The following NRK variants were observed in gnomAD, a reference collection of about 807,000 sequenced individuals.
The protein encoded by NRK is Nik related kinase, also known as nik-related protein kinase.
In NRK, 67 loss-of-function variants were observed where a neutral mutation model predicts 125.2. The ratio of observed to expected loss-of-function variants is 0.54; its 90% confidence interval spans 0.44 to 0.66. The LOEUF (loss-of-function observed/expected upper bound fraction) is 0.66, where lower values mean the gene tolerates loss of function less well. NRK is among the 30% of genes least tolerant of loss of function. The pLI, the probability that NRK is intolerant of heterozygous loss-of-function variation, is 0.00. For missense variants in NRK, 1,224 were observed against 1,192.9 expected (o/e 1.03, Z -0.38); for synonymous variants, 458 against 429.0 (o/e 1.07, Z -0.84).
intron 2 of NRK, among the ~76,000 whole-genome samples, chrX:105,841,177 TGCTGTA>T (rs1039186054): frequency 1.8e-5 from 2 of 111,599 alleles, no homozygotes; most frequent in African/African-American, 6.5e-5. Context: ...ATTAATGTGC[TGCTGTA>T]GCTCTCTGAG....
rs373330300 is a variant in NRK, at chrX:105,924,783, C to T, written c.3064C>T (p.His1022Tyr). 2 of 1,207,020 alleles carry T rather than the reference C, an allele frequency of 1.7e-6. No homozygotes were observed. The highest frequency in any genetic ancestry group is 2.2e-6 in the Non-Finnish European group (2 of 893,263). ...GGAAGCCTACAGAGGCTATGGAAGC[C>T]ATACAGCCAATAGAAGCCATGGAGG... Reference protein sequence around the residue: ...KEEAYRGYGSHTANRSHGGSA... With the variant: ...KEEAYRGYGSYTANRSHGGSA... The change falls in exon 19 of 29, where the codon CAT becomes TAT. Residue 1022 changes from histidine (H) to tyrosine (Y), a missense_variant. Transcript: ENST00000243300.
At chrX:105,902,849 C>A (rs745619377) in intron 9 of NRK, among the ~76,000 whole-genome samples, 3 of 111,321 alleles carry the variant, frequency 2.7e-5, no homozygotes, top group Non-Finnish European at 5.7e-5. Flanking sequence ...CCCAAACCAA[C>A]CCCCTACCCC....
chrX:105,900,797 A>G (rs779327086), intron 9 of NRK, 125 bp downstream of exon 9: 98 of 449,686 alleles, frequency 2.2e-4, no homozygotes, highest in Non-Finnish European at 3.7e-4. Flanking sequence ...CTGGCCACAC[A>G]GGTGTCATAC....
intron 5 of NRK, among the ~76,000 whole-genome samples, chrX:105,892,813 A>G (rs916107142): frequency 8.9e-6 from 1 of 111,838 alleles, no homozygotes; most frequent in African/African-American, 3.2e-5. Context: ...TTAGGGGAGT[A>G]GTTTTCTGAA....
At chrX:105,946,982 A>C (rs758445366) in intron 26 of NRK, among the ~76,000 whole-genome samples, 1 of 112,131 alleles carries the variant, frequency 8.9e-6, no homozygotes, top group South Asian at 3.7e-4. Context: ...AAAAAATACA[A>C]CACCAGTATT....
At position 105,934,310 on chromosome X, in the gene NRK, C is replaced by T. The variant is rs775920538; in HGVS notation, c.3365C>T (p.Pro1122Leu). The change falls in exon 20 of 29, where the codon CCG (proline) becomes CTG (leucine). Residue 1122 changes from proline (P) to leucine (L), a missense_variant. By Grantham distance (98) the Pro-to-Leu change is moderately conservative. Transcript: ENST00000243300. The stretch of plus-strand genomic sequence containing the variant: ...AATGCCATTGACTCAGGTGCTGCAC[C>T]GTCAGCACCTGATCATGAGAGTGAC... ...ASNAIDSGAA[P>L]SAPDHESDNK... 5.1e-6 allele frequency: 6 copies of T among 1,178,335 alleles called. No homozygotes were observed. The highest frequency in any genetic ancestry group is 1.8e-5 in the African/African-American group (1 of 55,943).
At chrX:105,942,143 G>A (rs1253414230) in intron 23 of NRK, among the ~76,000 whole-genome samples, 6 of 111,860 alleles carry the variant, frequency 5.4e-5, no homozygotes, top group Admixed American at 1.9e-4. Flanking sequence ...TTGCTGAGTA[G>A]TATTGCATTG....
chrX:105,865,554 A>G (rs983497336), intron 2 of NRK, among the ~76,000 whole-genome samples: 5 of 110,912 alleles, frequency 4.5e-5, no homozygotes, highest in African/African-American at 1.6e-4. Flanking sequence ...AAACCCTGCA[A>G]TGTTTCAGCA....
intron 2 of NRK, among the ~76,000 whole-genome samples, chrX:105,862,101 CTATT>C (rs1452808865): frequency 2.9e-5 from 3 of 104,170 alleles, no homozygotes; most frequent in South Asian, 4.1e-4. Context: ...ATCTATCTAT[CTATT>C]TATCTATATC....
chrX:105,845,904 C>T (rs1032483847), intron 2 of NRK, among the ~76,000 whole-genome samples: 1 of 111,375 alleles, frequency 9.0e-6, no homozygotes, highest in African/African-American at 3.3e-5. Flanking sequence ...ATTCTCTCCT[C>T]ATTGAGGGGC....
chrX:105,856,209 T>C (rs2039530659), intron 2 of NRK, among the ~76,000 whole-genome samples: 1 of 112,022 alleles, frequency 8.9e-6, no homozygotes, highest in Non-Finnish European at 1.9e-5. Flanking sequence ...CAAAGAACTC[T>C]CATTAGAATC....
chrX:105,939,672 A>G (rs1404444971), intron 22 of NRK, among the ~76,000 whole-genome samples: 2 of 111,799 alleles, frequency 1.8e-5, no homozygotes, highest in Non-Finnish European at 3.8e-5. Context: ...TACTTTGACT[A>G]TCTCTTGGAA....
intron 23 of NRK, 114 bp from the exon 24 acceptor site, chrX:105,943,827 A>C: frequency 2.3e-6 from 1 of 437,731 alleles, no homozygotes; most frequent in Non-Finnish European, 3.9e-6. Flanking sequence ...TTCCCCAAAA[A>C]TATACTGTCT....
intron 2 of NRK, among the ~76,000 whole-genome samples, chrX:105,851,155 C>T (rs1569292027): frequency 8.9e-6 from 1 of 111,921 alleles, no homozygotes; most frequent in African/African-American, 3.3e-5. Context: ...TGGAACAAAA[C>T]GCCCTTATTT....
intron 5 of NRK, 76 bp from the exon 6 acceptor site, chrX:105,893,756 C>T: frequency 6.8e-6 from 4 of 590,619 alleles, no homozygotes; most frequent in Non-Finnish European, 1.1e-5. Context: ...AGATACAAGC[C>T]ATATGGACTA....
At position 105,822,610 on chromosome X, in the gene NRK, C is replaced by T. The variant is rs1371835784; in HGVS notation, c.-236C>T. 1 of 443,952 alleles carries T rather than the reference C, an allele frequency of 2.3e-6. No individual in the cohort carries two copies. Among genetic ancestry groups the T allele is most frequent in the East Asian group, 3.9e-5 (1 of 25,644 alleles). 36.6% of individuals were successfully genotyped at this position (443,952 alleles called of 1,213,427 possible). ...CCAGGACTGACGCTCAGGCTCCTCT[C>T]TCGCCTTAGCCCAACTTGCTTTCCC... On this transcript the variant is annotated 5_prime_UTR_variant, in exon 1 of 29. Transcript: ENST00000243300.
intron 1 of NRK, among the ~76,000 whole-genome samples, chrX:105,823,221 AC>A (rs1054235218): frequency 3.6e-5 from 4 of 112,252 alleles, no homozygotes; most frequent in Non-Finnish European, 7.5e-5. Flanking sequence ...GAGCTCCAGT[AC>A]CTGTCCTAGC....
At chrX:105,893,972 A>C (rs768775365) in intron 6 of NRK, 30 bp downstream of exon 6, 2 of 819,544 alleles carry the variant, frequency 2.4e-6, no homozygotes, top group Non-Finnish European at 3.7e-6. Flanking sequence ...TTCTCTTCTG[A>C]TCTTTTAAGA....
intron 4 of NRK, among the ~76,000 whole-genome samples, chrX:105,886,797 T>TA (rs1410938282): frequency 2.7e-5 from 3 of 109,420 alleles, no homozygotes; most frequent in African/African-American, 6.6e-5. Context: ...GAAAAAATAA[T>TA]AAAAATTTTT....
Sources: gnomAD v4.1 joint callset for allele counts (sites outside exome capture counted in the v4.1 genomes callset) on GRCh38, gnomAD v4.1.1 for gene constraint, MANE v1.5 for transcripts, NCBI Gene and HGNC (gene_info 2026-07-23, HGNC 2026-07-21) for gene names.